Variants in SPAG6 observed in about 807,000 individuals in gnomAD.
The protein encoded by SPAG6 is sperm-associated antigen 6.
Under a neutral mutation model 58.5 loss-of-function variants are expected in SPAG6, and 49 were observed. The observed-to-expected ratio is 0.84, with a 90% CI of 0.67 to 1.06. The LOEUF (loss-of-function observed/expected upper bound fraction) is 1.06. SPAG6 is among the 50% of genes least tolerant of loss of function. The pLI is 0.00. For synonymous variants in SPAG6, 233 were observed against 225.6 expected, an observed-to-expected ratio of 1.03 and a Z score of -0.29; for missense variants, 560 against 611.3, an observed-to-expected ratio of 0.92 and a Z score of 0.89.
chr10:22,371,084 T>G (rs1017806456), intron 4 of SPAG6, among the ~76,000 whole-genome samples: 1 of 152,134 alleles, frequency 6.6e-6, no homozygotes, highest in African/African-American at 2.4e-5. Flanking sequence ...ACATGGAATT[T>G]CCACTGTAAT....
Position 22,389,256 on chromosome 10 carries a change from C to T in SPAG6, c.949C>T (p.Leu317Phe). The T allele has an allele frequency of 6.2e-7, 1 of 1,612,864 alleles. No individual in the cohort carries two copies. The highest frequency in any genetic ancestry group is 8.5e-7 in the Non-Finnish European group (1 of 1,179,704). The change falls in exon 7 of 11, where the codon CTT (leucine) becomes TTT (phenylalanine). Residue 317 changes from leucine to phenylalanine, a missense_variant. Leu to Phe is a conservative substitution (Grantham distance 22). Transcript: ENST00000376624. ...GNTRLPGIMM[L>F]GYVAAHSENL... Reference sequence around the variant, plus strand: ...CACACGGCTGCCTGGCATCATGATGCTTGGTTATGTAGCAGCTCATTCTGA... The same window carrying T: ...CACACGGCTGCCTGGCATCATGATGTTTGGTTATGTAGCAGCTCATTCTGA...
At chr10:22,381,932 T>G (rs1159617689) in intron 4 of SPAG6, among the ~76,000 whole-genome samples, 4 of 152,322 alleles carry the variant, frequency 2.6e-5, no homozygotes, top group African/African-American at 9.6e-5. Context: ...CCACTTAAAT[T>G]GCAACACTTC....
In SPAG6 at chr10:22,416,721, C is replaced by T. The variant is rs1017109872; in HGVS notation, c.*33C>T. On this transcript the variant is annotated 3_prime_UTR_variant, in exon 11 of 11. Transcript: ENST00000376624. The stretch of plus-strand genomic sequence containing the variant: ...TATATTGTGATACTCAAATTCACAG[C>T]AGAGTAGTTTTGAGTAACAGTAATT... The T allele has an allele frequency of 7.5e-7, 1 of 1,336,634 alleles. No individual in the cohort carries two copies. Among genetic ancestry groups the T allele is most frequent in the Non-Finnish European group, 1.1e-6 (1 of 930,918 alleles). The allele number at this position is 1,336,634 out of a possible 1,614,324, so 82.8% of individuals were successfully genotyped here. A position where few individuals can be genotyped will look rare whatever the true frequency, so the allele number is the denominator to read the frequency against.
chr10:22,364,712 A>C (rs1837143729), intron 2 of SPAG6, 141 bp from the exon 3 acceptor site: 1 of 582,808 alleles, frequency 1.7e-6, no homozygotes, highest in Non-Finnish European at 2.9e-6. Flanking sequence ...GGTACTTCTA[A>C]ATTTCCATTA....
intron 7 of SPAG6, 98 bp from the exon 8 acceptor site, chr10:22,391,631 C>T (rs1834185780): frequency 9.3e-7 from 1 of 1,073,292 alleles, no homozygotes; most frequent in Non-Finnish European, 1.3e-6. Context: ...AAAAAAGGAT[C>T]AAGGCCGAAG....
chr10:22,367,834 A>T (rs1837240164), intron 3 of SPAG6, among the ~76,000 whole-genome samples: 1 of 151,686 alleles, frequency 6.6e-6, no homozygotes, highest in Admixed American at 6.5e-5. Flanking sequence ...ACAAAATGGT[A>T]AGTAATTTGC....
chr10:22,360,792 A>G, intron 2 of SPAG6: 1 of 1,533,022 alleles, frequency 6.5e-7, no homozygotes, highest in Non-Finnish European at 8.7e-7. Flanking sequence ...AACTATTCAG[A>G]CTGCTTTAAT....
intron 2 of SPAG6, among the ~76,000 whole-genome samples, chr10:22,354,113 G>C (rs1836802998): frequency 6.6e-6 from 1 of 152,194 alleles, no homozygotes; most frequent in African/African-American, 2.4e-5. Context: ...GTTTTAATTG[G>C]AAGAGTCATG....
At chr10:22,356,446 C>A (rs1836870045) in intron 2 of SPAG6, among the ~76,000 whole-genome samples, 1 of 152,176 alleles carries the variant, frequency 6.6e-6, no homozygotes, top group African/African-American at 2.4e-5. Context: ...GTGGGGCAAA[C>A]AGTAAAGCTC....
intron 3 of SPAG6, among the ~76,000 whole-genome samples, chr10:22,365,420 A>C (rs1837169218): frequency 6.6e-6 from 1 of 152,202 alleles, no homozygotes; most frequent in African/African-American, 2.4e-5. Context: ...CAAGGGGTAG[A>C]GAAGCAACCA....
intron 3 of SPAG6, among the ~76,000 whole-genome samples, chr10:22,367,245 C>A (rs745719220): frequency 5.3e-5 from 8 of 151,934 alleles, no homozygotes; most frequent in Non-Finnish European, 1.2e-4. Context: ...TTTTTCCCCA[C>A]ATTTGTAAGA....
chr10:22,405,850 C>T (rs2130629212), intron 9 of SPAG6, among the ~76,000 whole-genome samples: 1 of 152,306 alleles, frequency 6.6e-6, no homozygotes. Context: ...TCAACTTCTT[C>T]CTGGTTTAGT....
At chr10:22,375,573 T>G (rs1161487632) in intron 4 of SPAG6, among the ~76,000 whole-genome samples, 1 of 151,602 alleles carries the variant, frequency 6.6e-6, no homozygotes, top group Non-Finnish European at 1.5e-5. Context: ...GTTAATTGCC[T>G]CAAAGGATTT....
At chr10:22,396,375 C>G (rs1564376263) in intron 8 of SPAG6, among the ~76,000 whole-genome samples, 1 of 152,146 alleles carries the variant, frequency 6.6e-6, no homozygotes, top group Non-Finnish European at 1.5e-5. Context: ...TTTTCTCTTG[C>G]TGCTGCCATG....
At chr10:22,400,605 G>A (rs746746272) in intron 8 of SPAG6, among the ~76,000 whole-genome samples, 1 of 151,748 alleles carries the variant, frequency 6.6e-6, no homozygotes, top group East Asian at 2.0e-4. Context: ...GATCCTATCT[G>A]TTTTGCTTCT....
chr10:22,386,845 T>G lies in SPAG6; in HGVS notation c.564T>G (p.Ala188=). ...AAATTGCTTTGAAAAGGATTGCTGC[T>G]TCGGCCCTCAGTGATATTGCAAAGC... is the stretch of plus-strand genomic sequence containing the variant. ...EPEIALKRIA[A]SALSDIAKHS... Residue 188 remains alanine (A), a synonymous_variant, in exon 5 of 11, where the codon GCT becomes GCG. Coordinates refer to ENST00000376624, the MANE Select transcript of SPAG6 (RefSeq NM_012443.4). 3 of 1,613,790 alleles carry G rather than the reference T, an allele frequency of 1.9e-6. No homozygotes were observed. The highest frequency in any genetic ancestry group is 2.5e-6 in the Non-Finnish European group (3 of 1,179,742).
intron 10 of SPAG6, among the ~76,000 whole-genome samples, chr10:22,416,176 C>T (rs1834860386): frequency 6.6e-6 from 1 of 151,796 alleles, no homozygotes; most frequent in Non-Finnish European, 1.5e-5. Flanking sequence ...TGATTAAAAC[C>T]CATGCTGAGA....
chr10:22,374,993 G>C (rs1833784369), intron 4 of SPAG6, among the ~76,000 whole-genome samples: 1 of 152,184 alleles, frequency 6.6e-6, no homozygotes, highest in Non-Finnish European at 1.5e-5. Context: ...AATTCTTTTA[G>C]TTTAAATCTT....
intron 4 of SPAG6, among the ~76,000 whole-genome samples, chr10:22,382,209 C>T (rs1167902942): frequency 6.6e-6 from 1 of 152,154 alleles, no homozygotes; most frequent in Non-Finnish European, 1.5e-5. Flanking sequence ...TCGCTTGTCA[C>T]AGTACCACAG....
Sources: gnomAD v4.1 joint callset for allele counts (sites outside exome capture counted in the v4.1 genomes callset) on GRCh38, gnomAD v4.1.1 for gene constraint, MANE v1.5 for transcripts, NCBI Gene and HGNC (gene_info 2026-07-23, HGNC 2026-07-21) for gene names.